Variants in RGS7 observed in about 807,000 individuals in gnomAD.
RGS7 encodes regulator of G protein signaling 7.
Under a neutral mutation model 81.1 loss-of-function variants are expected in RGS7, and 27 were observed. That is an observed-to-expected ratio of 0.33 (90% CI 0.25 to 0.46). RGS7 has a LOEUF of 0.46. Ranked by LOEUF, RGS7 falls within the 20% of genes least tolerant of loss-of-function variation. RGS7 has a pLI of 1.00. For synonymous variants in RGS7, 208 were observed against 207.7 expected, an observed-to-expected ratio of 1.00 and a Z score of -0.01; for missense variants, 396 against 607.4, an observed-to-expected ratio of 0.65 and a Z score of 3.66.
At chr1:241,152,704 G>A (rs1327377415) in intron 2 of RGS7, among the ~76,000 whole-genome samples, 3 of 152,206 alleles carry the variant, frequency 2.0e-5, no homozygotes, top group South Asian at 2.1e-4. Flanking sequence ...GTGAGTGGAA[G>A]AGACCTGCCG....
Position 241,061,547 on chromosome 1 carries a change from A to C in RGS7, c.175+37119T>G, listed in dbSNP as rs565740535. On this transcript the variant is annotated intron_variant, in intron 3 of 18. Coordinates refer to ENST00000440928, the MANE Select transcript of RGS7 (RefSeq NM_001364886.1). ...TCTCCCCAATAAAAGGGACCTCTTA[A>C]ATCTTAATCTATTCCTAATAAGTGC... 9.4e-4 allele frequency among the ~76,000 whole-genome samples: 143 copies of C among 152,330 alleles called. 3 individuals carry two copies. In the South Asian group the frequency reaches 0.027, roughly 28 times the overall value.
At chr1:240,998,575 G>T in intron 3 of RGS7, 2 of 831,714 alleles carry the variant, frequency 2.4e-6, no homozygotes, top group Non-Finnish European at 2.0e-6. Context: ...GGTACAGATA[G>T]AGCCAGCTGC....
intron 5 of RGS7, among the ~76,000 whole-genome samples, chr1:240,936,205 C>G (rs902352485): frequency 1.3e-5 from 2 of 152,192 alleles, no homozygotes; most frequent in African/African-American, 2.4e-5. Context: ...TATTAATTAG[C>G]TGAATCCTAT....
intron 18 of RGS7, among the ~76,000 whole-genome samples, chr1:240,781,876 A>G (rs7519362): frequency 0.2 from 29,922 of 151,760 alleles, 4,396 homozygotes; most frequent in African/African-American, 0.42. Context: ...TTAGCTGGGC[A>G]TGGTGGCGGT....
intron 2 of RGS7, among the ~76,000 whole-genome samples, chr1:241,279,460 A>G (rs1312393887): frequency 6.6e-6 from 1 of 152,262 alleles, no homozygotes; most frequent in African/African-American, 2.4e-5. Flanking sequence ...TTAGCTATGT[A>G]TCATGTACCT....
At chr1:241,013,758 G>A (rs2148668672) in intron 3 of RGS7, among the ~76,000 whole-genome samples, 1 of 152,298 alleles carries the variant, frequency 6.6e-6, no homozygotes, top group Admixed American at 6.5e-5. Flanking sequence ...TTAAAAAGCT[G>A]TTACCTAAAA....
chr1:241,235,170 TGGGGTTCAA>T (rs1285725214), intron 2 of RGS7, among the ~76,000 whole-genome samples: 1 of 152,112 alleles, frequency 6.6e-6, no homozygotes, highest in African/African-American at 2.4e-5. Flanking sequence ...ATAGTAACAA[TGGGGTTCAA>T]GCAATTAAAC....
intron 2 of RGS7, among the ~76,000 whole-genome samples, chr1:241,152,440 C>A (rs1369531688): frequency 1.3e-5 from 2 of 152,170 alleles, no homozygotes; most frequent in African/African-American, 2.4e-5. Context: ...TCAAGTTATT[C>A]AACAATAATT....
chr1:240,807,778 T>C (rs1039761079), intron 14 of RGS7, among the ~76,000 whole-genome samples: 1 of 152,088 alleles, frequency 6.6e-6, no homozygotes, highest in African/African-American at 2.4e-5. Context: ...CTCACGTCTG[T>C]AATCCCAGCA....
intron 6 of RGS7, among the ~76,000 whole-genome samples, chr1:240,913,115 T>C (rs1197201360): frequency 6.6e-6 from 1 of 152,254 alleles, no homozygotes; most frequent in Non-Finnish European, 1.5e-5. Flanking sequence ...AGAGCATTTC[T>C]AGAGATTGAG....
intron 4 of RGS7, among the ~76,000 whole-genome samples, chr1:240,942,515 T>A (rs1677763499): frequency 6.6e-6 from 1 of 152,258 alleles, no homozygotes; most frequent in Non-Finnish European, 1.5e-5. Flanking sequence ...CACTATCATG[T>A]TATTTACTCT....
chr1:241,194,270 A>G (rs1241882741), intron 2 of RGS7, among the ~76,000 whole-genome samples: 4 of 152,226 alleles, frequency 2.6e-5, no homozygotes, highest in African/African-American at 9.6e-5. Flanking sequence ...TATTGAGAAA[A>G]GACAAAATTT....
At chr1:241,133,173 T>A (rs1164050628) in intron 2 of RGS7, among the ~76,000 whole-genome samples, 1 of 152,200 alleles carries the variant, frequency 6.6e-6, no homozygotes, top group Non-Finnish European at 1.5e-5. Context: ...AAATGCTTTT[T>A]ATTTACATTT....
intron 2 of RGS7, among the ~76,000 whole-genome samples, chr1:241,105,806 T>C (rs1218743991): frequency 6.6e-6 from 1 of 152,204 alleles, no homozygotes; most frequent in East Asian, 1.9e-4. Flanking sequence ...AATGAATCAA[T>C]CAAAATTTCA....
At chr1:240,995,190 C>A (rs1013806055) in intron 3 of RGS7, among the ~76,000 whole-genome samples, 32 of 152,160 alleles carry the variant, frequency 2.1e-4, no homozygotes, top group African/African-American at 7.2e-4. Flanking sequence ...CTGAAATAAA[C>A]CCACTTGGTT....
chr1:240,776,376 C>T (rs763692686), intron 18 of RGS7, among the ~76,000 whole-genome samples, 163 bp from the exon 19 acceptor site: 1 of 151,240 alleles, frequency 6.6e-6, no homozygotes, highest in Non-Finnish European at 1.5e-5. Context: ...ACCTGCCTTC[C>T]CCCCTCCCTC....
intron 2 of RGS7, among the ~76,000 whole-genome samples, chr1:241,312,648 C>T (rs1426167149): frequency 2.0e-5 from 3 of 152,136 alleles, no homozygotes; most frequent in East Asian, 3.9e-4. Flanking sequence ...ACCAACCAGC[C>T]GTTGCCCTGT....
intron 2 of RGS7, among the ~76,000 whole-genome samples, chr1:241,118,551 C>G (rs939553389): frequency 5.9e-5 from 9 of 151,950 alleles, no homozygotes; most frequent in African/African-American, 2.2e-4. Context: ...GGTATTTACC[C>G]AAGGAAATCA....
At chr1:240,862,109 C>A (rs886126050) in intron 9 of RGS7, among the ~76,000 whole-genome samples, 4 of 152,038 alleles carry the variant, frequency 2.6e-5, no homozygotes, top group Non-Finnish European at 4.4e-5. Flanking sequence ...TGTCTGGAGT[C>A]CTTAGTAAGT....
Sources: allele counts gnomAD v4.1 joint callset (sites outside exome capture counted in the v4.1 genomes callset), GRCh38; gene constraint gnomAD v4.1.1; transcripts MANE v1.5; gene names NCBI Gene and HGNC (gene_info 2026-07-23, HGNC 2026-07-21).